Variants in GALNT13 observed in about 807,000 individuals in gnomAD.
GALNT13 encodes the protein polypeptide N-acetylgalactosaminyltransferase 13, also known as UDP-GalNAc:polypeptide N-acetylgalactosaminyltransferase 13.
A neutral mutation model predicts 64.2 loss-of-function variants in GALNT13; 28 were observed. The ratio of observed to expected loss-of-function variants is 0.44; its 90% CI spans 0.32 to 0.60. The LOEUF (loss-of-function observed/expected upper bound fraction) is 0.60. Among genes scored for constraint, GALNT13 ranks in the 20% least tolerant of loss-of-function variants. The pLI is 0.05. For missense variants in GALNT13, 577 were observed against 669.8 expected (o/e 0.86, Z 1.53); for synonymous variants, 214 against 224.6 (o/e 0.95, Z 0.42).
At chr2:154,255,731 A>G (rs1228262274) in intron 7 of GALNT13, among the ~76,000 whole-genome samples, 7 of 152,132 alleles carry the variant, frequency 4.6e-5, no homozygotes, top group Admixed American at 1.3e-4. Flanking sequence ...CTTGATCCCC[A>G]GATGGTTGAG....
At chr2:153,144,010 G>A in the GALNT13 span, among the ~76,000 whole-genome samples, 1 of 151,974 alleles carries the variant, frequency 6.6e-6, no homozygotes, top group South Asian at 2.1e-4. Flanking sequence ...GAATGCGTAC[G>A]AAATACGCAG....
chr2:153,642,377 T>G, the GALNT13 span, among the ~76,000 whole-genome samples: 1 of 151,888 alleles, frequency 6.6e-6, no homozygotes, highest in East Asian at 1.9e-4. Flanking sequence ...ATTTAATATA[T>G]AAGAACATGG....
chr2:153,105,163 G>T, the GALNT13 span, among the ~76,000 whole-genome samples: 4 of 150,460 alleles, frequency 2.7e-5, no homozygotes, highest in Admixed American at 2.7e-4. Flanking sequence ...ACATCAAAAA[G>T]CTTATCCACC....
chr2:153,281,283 A>T, the GALNT13 span, among the ~76,000 whole-genome samples: 763 of 149,344 alleles, frequency 5.1e-3, 4 homozygotes, highest in Non-Finnish European at 9.2e-3. Context: ...TACATGTAAG[A>T]TGAGTCTCTT....
At chr2:153,661,219 G>A in the GALNT13 span, among the ~76,000 whole-genome samples, 9 of 151,986 alleles carry the variant, frequency 5.9e-5, no homozygotes, top group African/African-American at 1.9e-4. Flanking sequence ...CTAGAATCAC[G>A]GAATATTATC....
chr2:154,389,481 T>C (rs990419646), intron 9 of GALNT13, among the ~76,000 whole-genome samples: 1 of 152,234 alleles, frequency 6.6e-6, no homozygotes, highest in African/African-American at 2.4e-5. Flanking sequence ...TTTTAAGTTA[T>C]GCTGCAATAT....
chr2:154,393,072 A>C (rs1025848166), intron 9 of GALNT13, among the ~76,000 whole-genome samples: 1 of 152,224 alleles, frequency 6.6e-6, no homozygotes, highest in Non-Finnish European at 1.5e-5. Context: ...TGGAGAAACA[A>C]ATTTTTGACT....
At chr2:153,694,846 G>A in the GALNT13 span, among the ~76,000 whole-genome samples, 1 of 152,134 alleles carries the variant, frequency 6.6e-6, no homozygotes, top group Non-Finnish European at 1.5e-5. Flanking sequence ...GTTTTAAAAT[G>A]TATGTTTTAA....
In GALNT13 at chr2:154,150,323, G is replaced by A. The variant is rs1210802812; in HGVS notation, c.311+9818G>A. Among the ~76,000 whole-genome samples the A allele has an allele frequency of 1.1e-4, 17 of 152,144 alleles. No homozygotes were observed. In the East Asian group the frequency reaches 2.7e-3, roughly 24 times the overall value. ...AGCTTTTTGATGTGCTGCTGGATTC[G>A]GTTTGCCAGTATTTTATTGAGGATT... On this transcript the variant is annotated intron_variant, in intron 4 of 12. Coordinates refer to ENST00000392825, the MANE Select transcript of GALNT13 (RefSeq NM_052917.4).
At chr2:153,728,516 G>T in the GALNT13 span, among the ~76,000 whole-genome samples, 1 of 152,162 alleles carries the variant, frequency 6.6e-6, no homozygotes, top group Non-Finnish European at 1.5e-5. Flanking sequence ...GAAATTTGTA[G>T]CGCTAAATGC....
chr2:153,693,978 G>A, the GALNT13 span, among the ~76,000 whole-genome samples: 1 of 151,984 alleles, frequency 6.6e-6, no homozygotes, highest in African/African-American at 2.4e-5. Flanking sequence ...CGTGGTGGCG[G>A]GCACCTGTAG....
intron 8 of GALNT13, among the ~76,000 whole-genome samples, chr2:154,300,593 G>T (rs1222940758): frequency 1.3e-5 from 2 of 151,734 alleles, no homozygotes; most frequent in Non-Finnish European, 2.9e-5. Flanking sequence ...ATAATTGTAT[G>T]TATAGTATTG....
At chr2:153,300,050 G>A in the GALNT13 span, among the ~76,000 whole-genome samples, 2 of 152,232 alleles carry the variant, frequency 1.3e-5, no homozygotes, top group Middle Eastern at 3.4e-3. Context: ...GCTCAGAAGG[G>A]CCACATTCCA....
the GALNT13 span, among the ~76,000 whole-genome samples, chr2:153,160,380 G>A: frequency 1.3e-5 from 2 of 152,150 alleles, no homozygotes. Flanking sequence ...AAAATTCCTT[G>A]TAATGTTGAA....
chr2:154,450,495 T>A lies in GALNT13; in HGVS notation c.1615T>A (p.Cys539Ser). 6.2e-7 allele frequency: 1 copy of A among 1,612,634 alleles called. No individual in the cohort carries two copies. The highest frequency in any genetic ancestry group is 8.5e-7 in the Non-Finnish European group (1 of 1,179,208). The change falls in exon 13 of 13, where the codon TGT (cysteine) becomes AGT (serine). Residue 539 changes from cysteine (C) to serine (S), a missense_variant. Cys to Ser is a moderately radical substitution (Grantham distance 112). Transcript: ENST00000392825. The stretch of plus-strand genomic sequence containing the variant: ...CAAAATGGTGCCTACAATGCAGGAC[T>A]GTAGTGGAAGCAGATCCCAACAGTG... ...EDKMVPTMQDCSGSRSQQWLL... is the reference protein window; with the variant it reads ...EDKMVPTMQDSSGSRSQQWLL...
In GALNT13 at chr2:154,155,979, A is replaced by T. The variant is rs192518087; in HGVS notation, c.311+15474A>T. Among the ~76,000 whole-genome samples, 323 of 151,990 alleles carry T rather than the reference A, an allele frequency of 2.1e-3. 2 individuals are homozygous for T. Among genetic ancestry groups the T allele is most frequent in the Admixed American group, 0.017 (262 of 15,262 alleles). Reference sequence around the variant, plus strand: ...GTATTGCATAATACATATATATTCGACGTATATTTATGTATTGCATTTATA... The same window carrying T: ...GTATTGCATAATACATATATATTCGTCGTATATTTATGTATTGCATTTATA... On this transcript the variant is annotated intron_variant, in intron 4 of 12. Coordinates refer to ENST00000392825, the MANE Select transcript of GALNT13 (RefSeq NM_052917.4).
In GALNT13 at chr2:154,007,464, T is replaced by C. The variant is rs533554577; in HGVS notation, c.142+62825T>C. Among the ~76,000 whole-genome samples, 75 of 152,134 alleles carry C rather than the reference T, an allele frequency of 4.9e-4. 1 individual carries two copies. The highest frequency in any genetic ancestry group is 8.8e-4 in the Non-Finnish European group (60 of 67,930). On this transcript the variant is annotated intron_variant, in intron 3 of 12. Coordinates refer to ENST00000392825, the MANE Select transcript of GALNT13 (RefSeq NM_052917.4). ...AATGAAAGGTTGCGATTATTCTGTATAGTTCCTTTCATTTCTAAACATTAT... is the reference window on the plus strand; with the variant it reads ...AATGAAAGGTTGCGATTATTCTGTACAGTTCCTTTCATTTCTAAACATTAT...
chr2:153,569,586 G>T, the GALNT13 span, among the ~76,000 whole-genome samples: 4 of 151,322 alleles, frequency 2.6e-5, no homozygotes, highest in Admixed American at 2.0e-4. Flanking sequence ...ATATTTATGG[G>T]GTACATGAGA....
intron 3 of GALNT13, among the ~76,000 whole-genome samples, chr2:153,958,369 A>G (rs191891231): frequency 3.9e-5 from 6 of 152,340 alleles, no homozygotes; most frequent in Admixed American, 3.3e-4. Flanking sequence ...AAGCCTGTAC[A>G]TAAGGGACCT....
Sources: allele counts gnomAD v4.1 joint callset (sites outside exome capture counted in the v4.1 genomes callset), GRCh38; gene constraint gnomAD v4.1.1; transcripts MANE v1.5; gene names NCBI Gene and HGNC (gene_info 2026-07-23, HGNC 2026-07-21).